Variants in RORB observed in about 807,000 individuals in gnomAD.
RORB encodes the protein RAR related orphan receptor B, also known as nuclear receptor ROR-beta.
In RORB, 6 loss-of-function variants were observed where a neutral mutation model predicts 59.1. The ratio of observed to expected loss-of-function variants is 0.10; its 90% confidence interval spans 0.06 to 0.20. RORB has a LOEUF of 0.20. Ranked by LOEUF, RORB falls within the 10% of genes least tolerant of loss-of-function variation. The pLI, the probability that RORB is intolerant of heterozygous loss-of-function variation, is 1.00. For missense variants in RORB, 320 were observed against 560.5 expected (o/e 0.57, Z 4.33); for synonymous variants, 215 against 204.5 (o/e 1.05, Z -0.44).
At chr9:74,579,839 G>A (rs1056954142) in intron 1 of RORB, among the ~76,000 whole-genome samples, 6 of 152,144 alleles carry the variant, frequency 3.9e-5, no homozygotes, top group Admixed American at 6.6e-5. Flanking sequence ...GAGAGCAAGA[G>A]CGGTGTTTCA....
intron 1 of RORB, among the ~76,000 whole-genome samples, chr9:74,578,154 T>C (rs774084042): frequency 1.3e-5 from 2 of 152,064 alleles, no homozygotes; most frequent in Non-Finnish European, 2.9e-5. Flanking sequence ...TTCACTATGC[T>C]TGCTGTTTTT....
intron 1 of RORB, among the ~76,000 whole-genome samples, chr9:74,610,036 A>G (rs1178945650): frequency 6.6e-6 from 1 of 152,234 alleles, no homozygotes; most frequent in Non-Finnish European, 1.5e-5. Context: ...GTACTTCTGT[A>G]CTACTGAATT....
At chr9:74,682,951 G>A (rs1824571408) in intron 9 of RORB, among the ~76,000 whole-genome samples, 1 of 152,136 alleles carries the variant, frequency 6.6e-6, no homozygotes, top group Non-Finnish European at 1.5e-5. Context: ...CTGAAGCAGT[G>A]TTTTTCAAAA....
intron 8 of RORB, among the ~76,000 whole-genome samples, chr9:74,670,504 A>T (rs1824329778): frequency 1.3e-5 from 2 of 152,212 alleles, no homozygotes; most frequent in Non-Finnish European, 2.9e-5. Flanking sequence ...TTTTCTAGAA[A>T]AAAAACATAC....
intron 1 of RORB, among the ~76,000 whole-genome samples, chr9:74,509,950 G>A (rs927361036): frequency 1.3e-5 from 2 of 152,048 alleles, no homozygotes; most frequent in African/African-American, 4.8e-5. Context: ...TTTGCATTTT[G>A]GCTGAAACAT....
At chr9:74,555,417 G>A (rs565513376) in intron 1 of RORB, among the ~76,000 whole-genome samples, 1 of 152,242 alleles carries the variant, frequency 6.6e-6, no homozygotes, top group African/African-American at 2.4e-5. Flanking sequence ...AGAAACCAAC[G>A]GCTCTTTGAA....
At position 74,501,158 on chromosome 9, in the gene RORB, G is replaced by T. The variant is rs114057385; in HGVS notation, c.7+3175G>T. ...GAAAACCCTGCTTCCAAAAACAGGG[G>T]CACAGATGTCGTCGCAATCAATAGG... is the stretch of plus-strand genomic sequence containing the variant. On this transcript the variant is annotated intron_variant, in intron 1 of 9. Coordinates refer to ENST00000376896, the MANE Select transcript of RORB (RefSeq NM_006914.4). 5.3e-3 allele frequency among the ~76,000 whole-genome samples: 807 copies of T among 152,188 alleles called. 8 individuals carry two copies. The highest frequency in any genetic ancestry group is 0.018 in the African/African-American group (756 of 41,512).
intron 2 of RORB, among the ~76,000 whole-genome samples, chr9:74,630,586 T>C (rs1219471256): frequency 6.6e-6 from 1 of 152,162 alleles, no homozygotes; most frequent in East Asian, 1.9e-4. Flanking sequence ...TCTTTAAAAA[T>C]GGATGCGTAT....
chr9:74,545,252 ATCT>A (rs1213801556), intron 1 of RORB, among the ~76,000 whole-genome samples: 1 of 151,970 alleles, frequency 6.6e-6, no homozygotes, highest in African/African-American at 2.4e-5. Flanking sequence ...CTCAAAAGAG[ATCT>A]TCTGGTACAG....
At chr9:74,542,661 A>G (rs1009957385) in intron 1 of RORB, among the ~76,000 whole-genome samples, 3 of 152,190 alleles carry the variant, frequency 2.0e-5, no homozygotes, top group Non-Finnish European at 4.4e-5. Flanking sequence ...TAGCAAAATC[A>G]TCCCTTTCCT....
chr9:74,618,740 CGTGT>C (rs971653102), intron 1 of RORB, among the ~76,000 whole-genome samples: 1 of 151,702 alleles, frequency 6.6e-6, no homozygotes, highest in African/African-American at 2.4e-5. Context: ...GACTTTTGCT[CGTGT>C]GTGTGTGTAT....
At chr9:74,630,509 G>A in intron 2 of RORB, 142 bp downstream of exon 2, 1 of 498,206 alleles carries the variant, frequency 2.0e-6, no homozygotes, top group East Asian at 3.2e-5. Flanking sequence ...TTGCGTGGTG[G>A]GTGGGAGGGT....
At chr9:74,535,828 T>G (rs1186946751) in intron 1 of RORB, among the ~76,000 whole-genome samples, 1 of 152,066 alleles carries the variant, frequency 6.6e-6, no homozygotes, top group African/African-American at 2.4e-5. Flanking sequence ...AAATTAAATA[T>G]ATTTTAACAT....
intron 7 of RORB, among the ~76,000 whole-genome samples, chr9:74,667,005 A>G (rs558438548): frequency 2.1e-4 from 32 of 152,314 alleles, no homozygotes; most frequent in African/African-American, 7.7e-4. Context: ...CAACAAGTCC[A>G]TCGGGGCTGG....
At position 74,685,522 on chromosome 9, in the gene RORB, G is replaced by A. The variant is rs201621306; in HGVS notation, c.1284G>A (p.Gln428=). ...AVCNLHGEKL[Q]VFKQSHPEIV... ...GCAACTTGCACGGGGAGAAGCTGCAGGTATTTAAGCAATCTCATCCAGAGA... is the reference window on the plus strand; with the variant it reads ...GCAACTTGCACGGGGAGAAGCTGCAAGTATTTAAGCAATCTCATCCAGAGA... The change falls in exon 10 of 10, where the codon CAG becomes CAA. Residue 428 remains glutamine, a synonymous_variant. Transcript: ENST00000376896. 6 of 1,613,258 alleles carry A rather than the reference G, an allele frequency of 3.7e-6. No individual in the cohort carries two copies. The highest frequency in any genetic ancestry group is 1.7e-5 in the Admixed American group (1 of 59,954).
At chr9:74,670,755 T>C (rs149356892) in intron 8 of RORB, among the ~76,000 whole-genome samples, 16 of 152,308 alleles carry the variant, frequency 1.1e-4, no homozygotes, top group African/African-American at 3.9e-4. Flanking sequence ...CACTGTGTAT[T>C]AGGCTTCAAA....
At chr9:74,570,654 A>C (rs1822537403) in intron 1 of RORB, among the ~76,000 whole-genome samples, 1 of 152,174 alleles carries the variant, frequency 6.6e-6, no homozygotes, top group African/African-American at 2.4e-5. Flanking sequence ...TAGCTTTCAC[A>C]TAAGAAAAGA....
Position 74,665,554 on chromosome 9 carries a change from T to A in RORB, c.959T>A (p.Phe320Tyr). 1.2e-6 allele frequency: 2 copies of A among 1,613,266 alleles called. No homozygotes were observed. Among genetic ancestry groups the A allele is most frequent in the South Asian group, 1.1e-5 (1 of 90,928 alleles). Residue 320 changes from phenylalanine to tyrosine, a missense_variant, in exon 7 of 10, where the codon TTT (phenylalanine) becomes TAT (tyrosine). Physicochemically the swap from Phe to Tyr is conservative, Grantham distance 22. This residue lies in a region of RORB where 109 missense variants were observed against 171.0 expected (regional missense o/e 0.64). Coordinates refer to ENST00000376896, the MANE Select transcript of RORB (RefSeq NM_006914.4). ...AACCCATTAAACAACACTGTTCTGT[T>A]TGAAGGAAAATATGGAGGAATGCAA... The part of the protein sequence containing the change: ...AFNPLNNTVL[F>Y]EGKYGGMQMF...
intron 1 of RORB, among the ~76,000 whole-genome samples, chr9:74,551,318 C>T (rs1324487135): frequency 3.3e-5 from 5 of 152,106 alleles, no homozygotes; most frequent in South Asian, 4.1e-4. Context: ...ATATGTAAAT[C>T]GCCAGCAAAT....
Sources: allele counts gnomAD v4.1 joint callset (sites outside exome capture counted in the v4.1 genomes callset), GRCh38; gene constraint gnomAD v4.1.1; regional missense constraint gnomAD v4.1.1; transcripts MANE v1.5; gene names NCBI Gene and HGNC (gene_info 2026-07-23, HGNC 2026-07-21).